ADAM23: variants seen among roughly 807,000 people sequenced by gnomAD.
ADAM23 encodes ADAM metallopeptidase domain 23, also known as disintegrin and metalloproteinase domain-containing protein 23.
In ADAM23, 33 loss-of-function variants were observed where a neutral mutation model predicts 120.1. That is an observed-to-expected ratio of 0.27 (90% confidence interval 0.21 to 0.37). The LOEUF is 0.37. Ranked by LOEUF, ADAM23 falls within the 10% of genes least tolerant of loss-of-function variation. The pLI is 1.00. For missense variants in ADAM23, 862 were observed against 1,058.2 expected (o/e 0.81, Z 2.57); for synonymous variants, 367 against 375.2 (o/e 0.98, Z 0.25).
chr2:206,589,424 A>G lies in ADAM23; in HGVS notation c.1868A>G (p.Asp623Gly), dbSNP rs764579003. The part of the protein sequence containing the change: ...YIWGTKAAGS[D>G]KFCYEKLNTE... ...TCTCCAAAAGAGGCTGCAGGGTCTG[A>G]CAAGTTCTGCTATGAAAAGCTGAAT... Residue 623 changes from aspartate to glycine, a missense_variant, in exon 21 of 26, where the codon GAC becomes GGC. Around this residue, in one of 4 missense-constraint regions of ADAM23, gnomAD observed 617 missense variants for 813.5 expected, o/e 0.76. Transcript: ENST00000264377. 1 of 1,613,660 alleles carries G rather than the reference A, an allele frequency of 6.2e-7. No individual in the cohort carries two copies.
intron 3 of ADAM23, 96 bp from the exon 4 acceptor site, chr2:206,530,789 G>T: frequency 1.1e-6 from 1 of 905,884 alleles, no homozygotes; most frequent in East Asian, 3.1e-5. Flanking sequence ...GCTATTTCTG[G>T]TTTGCATGCC....
At position 206,594,760 on chromosome 2, in the gene ADAM23, A is replaced by G; in HGVS notation, c.2102A>G (p.Asp701Gly). ...AGTGGTGCCCATGTAGTTTTAGATG[A>G]TGATACGGATGTGGGCTATGTAGAA... Reference protein sequence around the residue: ...DCSGAHVVLDDDTDVGYVEDG... With the variant: ...DCSGAHVVLDGDTDVGYVEDG... The change falls in exon 23 of 26, where the codon GAT becomes GGT. Residue 701 changes from aspartate (D) to glycine (G), a missense_variant. Around this residue, in one of 4 missense-constraint regions of ADAM23, gnomAD observed 617 missense variants for 813.5 expected, o/e 0.76. Transcript: ENST00000264377. 1 of 1,614,166 alleles carries G rather than the reference A, an allele frequency of 6.2e-7. No homozygotes were observed. The highest frequency in any genetic ancestry group is 8.5e-7 in the Non-Finnish European group (1 of 1,179,998).
intron 3 of ADAM23, among the ~76,000 whole-genome samples, chr2:206,510,299 A>AT (rs1696595838): frequency 6.6e-6 from 1 of 152,218 alleles, no homozygotes; most frequent in Non-Finnish European, 1.5e-5. Context: ...TTTCTTTATA[A>AT]CAAAACATAT....
rs576342133 is a variant in ADAM23 at position 206,592,773 on chromosome 2, G to T, written c.2078+37G>T. The T allele has an allele frequency of 3.1e-5, 49 of 1,570,552 alleles. No homozygotes were observed. The South Asian group carries it at 5.7e-4, about 18-fold the overall frequency. ...AATATTAGAAGACCTAATAAGCCAT[G>T]AGAATTACAAATTTCACAAAATGAA... On this transcript the variant is annotated intron_variant, in intron 22 of 25. Coordinates refer to ENST00000264377, the MANE Select transcript of ADAM23 (RefSeq NM_003812.4).
chr2:206,510,676 G>T (rs1489569322), intron 3 of ADAM23, among the ~76,000 whole-genome samples: 3 of 152,184 alleles, frequency 2.0e-5, no homozygotes, highest in African/African-American at 7.2e-5. Flanking sequence ...CAACAGTTGG[G>T]AAGTGTTTGA....
intron 24 of ADAM23, among the ~76,000 whole-genome samples, chr2:206,597,058 G>T (rs1373482925): frequency 6.6e-6 from 1 of 151,716 alleles, no homozygotes; most frequent in African/African-American, 2.4e-5. Context: ...TAGAGACAAG[G>T]TGTCACTATG....
chr2:206,543,448 T>A, intron 6 of ADAM23, 132 bp downstream of exon 6: 1 of 715,954 alleles, frequency 1.4e-6, no homozygotes, highest in Non-Finnish European at 2.3e-6. Flanking sequence ...CTTAGAGTAG[T>A]ACCCTGAGTT....
chr2:206,587,427 G>GTT, intron 19 of ADAM23, 52 bp downstream of exon 19: 1 of 1,294,252 alleles, frequency 7.7e-7, no homozygotes, highest in Non-Finnish European at 1.1e-6. Context: ...TCATTGGAAA[G>GTT]TTTTTTTTTC....
At chr2:206,518,531 A>G (rs1696779852) in intron 3 of ADAM23, among the ~76,000 whole-genome samples, 1 of 152,068 alleles carries the variant, frequency 6.6e-6, no homozygotes, top group African/African-American at 2.4e-5. Context: ...AGGTTTTTAA[A>G]ATTTGTTTTA....
chr2:206,514,207 A>G (rs1426422848), intron 3 of ADAM23, among the ~76,000 whole-genome samples: 1 of 152,208 alleles, frequency 6.6e-6, no homozygotes, highest in Non-Finnish European at 1.5e-5. Flanking sequence ...ATAGATCGTG[A>G]TTACTCTATT....
intron 3 of ADAM23, among the ~76,000 whole-genome samples, chr2:206,523,875 G>A (rs567177481): frequency 2.6e-5 from 4 of 152,018 alleles, no homozygotes; most frequent in Admixed American, 2.0e-4. Flanking sequence ...AAGAGGGAGC[G>A]GGCACGATGC....
chr2:206,500,251 A>C (rs1696359741), intron 3 of ADAM23, among the ~76,000 whole-genome samples: 1 of 152,128 alleles, frequency 6.6e-6, no homozygotes, highest in African/African-American at 2.4e-5. Context: ...TATAGGAAGC[A>C]AAAGAAAACT....
chr2:206,531,258 C>G (rs1466109131), intron 4 of ADAM23, among the ~76,000 whole-genome samples: 1 of 152,118 alleles, frequency 6.6e-6, no homozygotes, highest in Non-Finnish European at 1.5e-5. Flanking sequence ...TCATGGCCAT[C>G]GAATCTGGAT....
intron 4 of ADAM23, among the ~76,000 whole-genome samples, chr2:206,534,671 T>G (rs917433320): frequency 6.6e-5 from 10 of 152,190 alleles, no homozygotes; most frequent in Admixed American, 5.9e-4. Flanking sequence ...ATATTTCTAT[T>G]AAGTCTTTTT....
intron 18 of ADAM23, among the ~76,000 whole-genome samples, chr2:206,579,552 G>C (rs1489559501): frequency 6.6e-6 from 1 of 152,052 alleles, no homozygotes; most frequent in African/African-American, 2.4e-5. Flanking sequence ...GTAAGTATTT[G>C]GGTTTATTTC....
intron 5 of ADAM23, among the ~76,000 whole-genome samples, chr2:206,542,844 A>G (rs771565840): frequency 6.6e-6 from 1 of 152,168 alleles, no homozygotes; most frequent in Non-Finnish European, 1.5e-5. Context: ...TCTCATATAT[A>G]AAGAATCTGT....
intron 3 of ADAM23, among the ~76,000 whole-genome samples, chr2:206,498,722 G>A (rs1696314323): frequency 6.6e-6 from 1 of 152,096 alleles, no homozygotes; most frequent in Non-Finnish European, 1.5e-5. Context: ...GCAGCCTACA[G>A]AATGGGAGAA....
At chr2:206,581,455 A>G (rs1698217597) in intron 18 of ADAM23, among the ~76,000 whole-genome samples, 1 of 152,068 alleles carries the variant, frequency 6.6e-6, no homozygotes, top group Admixed American at 6.6e-5. Flanking sequence ...GAATGTTTTA[A>G]TTTCCATCTT....
intron 18 of ADAM23, 145 bp from the exon 19 acceptor site, chr2:206,587,180 T>C: frequency 3.8e-6 from 2 of 532,984 alleles, no homozygotes; most frequent in Non-Finnish European, 6.6e-6. Context: ...ATAATTTGAA[T>C]TAATAACGTA....
Sources: allele counts gnomAD v4.1 joint callset (sites outside exome capture counted in the v4.1 genomes callset), GRCh38; gene constraint gnomAD v4.1.1; regional missense constraint gnomAD v4.1.1; transcripts MANE v1.5; gene names NCBI Gene and HGNC (gene_info 2026-07-23, HGNC 2026-07-21).